B3GALT1: variants seen among roughly 807,000 people sequenced by gnomAD.
B3GALT1 encodes the protein UDP-Gal:betaGlcNAc beta 1,3-galactosyltransferase, polypeptide 1.
A neutral mutation model predicts 23.2 loss-of-function variants in B3GALT1; 10 were observed. The ratio of observed to expected loss-of-function variants is 0.43; its 90% CI spans 0.27 to 0.73. B3GALT1 has a LOEUF of 0.73. Among genes scored for constraint, B3GALT1 ranks in the 30% least tolerant of loss-of-function variants. The pLI, the probability that B3GALT1 is intolerant of heterozygous loss-of-function variation, is 0.21. For missense variants in B3GALT1, 299 were observed against 405.4 expected (o/e 0.74, Z 2.25); for synonymous variants, 156 against 141.5 (o/e 1.10, Z -0.73).
chr2:167,808,048 A>G (rs571759166), intron 3 of B3GALT1, among the ~76,000 whole-genome samples: 2 of 152,012 alleles, frequency 1.3e-5, no homozygotes, highest in Admixed American at 6.6e-5. Context: ...TCCTTTTACC[A>G]TTATGTAATG....
At chr2:167,561,372 A>C (rs913286560) in intron 2 of B3GALT1, among the ~76,000 whole-genome samples, 3 of 152,184 alleles carry the variant, frequency 2.0e-5, no homozygotes, top group African/African-American at 7.2e-5. Context: ...CAAAATTGAC[A>C]CCCTAACATC....
intron 4 of B3GALT1, among the ~76,000 whole-genome samples, chr2:167,840,254 G>A (rs1358182185): frequency 1.3e-5 from 2 of 151,996 alleles, no homozygotes; most frequent in East Asian, 1.9e-4. Flanking sequence ...CCCACAAAAT[G>A]GGAGAAAATT....
At chr2:167,424,949 C>T (rs1230948205) in intron 1 of B3GALT1, among the ~76,000 whole-genome samples, 1 of 152,188 alleles carries the variant, frequency 6.6e-6, no homozygotes, top group Non-Finnish European at 1.5e-5. Context: ...GTATTTTAAC[C>T]AAATGCGCAC....
intron 1 of B3GALT1, among the ~76,000 whole-genome samples, chr2:167,378,372 G>T (rs962944453): frequency 6.6e-6 from 1 of 151,978 alleles, no homozygotes; most frequent in Admixed American, 6.6e-5. Context: ...TCAACCTCTA[G>T]CAAAATTAGG....
At chr2:167,827,998 GCT>G (rs1473871066) in intron 4 of B3GALT1, among the ~76,000 whole-genome samples, 1 of 152,146 alleles carries the variant, frequency 6.6e-6, no homozygotes, top group Admixed American at 6.5e-5. Context: ...GTTGCTCTAA[GCT>G]CTCTAAGAAC....
intron 2 of B3GALT1, among the ~76,000 whole-genome samples, chr2:167,518,134 C>T (rs1329703981): frequency 1.3e-5 from 2 of 152,094 alleles, no homozygotes; most frequent in African/African-American, 4.8e-5. Flanking sequence ...CATAAGAATT[C>T]CATCGAGGAT....
At chr2:167,808,508 G>A (rs1201409193) in intron 3 of B3GALT1, among the ~76,000 whole-genome samples, 11 of 151,776 alleles carry the variant, frequency 7.2e-5, no homozygotes, top group African/African-American at 2.4e-4. Flanking sequence ...GCATTTGCTT[G>A]TCTGTAAAGT....
intron 3 of B3GALT1, among the ~76,000 whole-genome samples, 132 bp downstream of exon 3, chr2:167,647,098 C>T (rs554988130): frequency 1.5e-3 from 234 of 152,188 alleles, no homozygotes; most frequent in African/African-American, 5.1e-3. Context: ...CAAGAAAAGC[C>T]AGCTTAAAAA....
At chr2:167,834,960 T>A (rs959618358) in intron 4 of B3GALT1, among the ~76,000 whole-genome samples, 1 of 152,168 alleles carries the variant, frequency 6.6e-6, no homozygotes, top group Non-Finnish European at 1.5e-5. Context: ...CTGTCTTACA[T>A]CTTGTCATTA....
intron 2 of B3GALT1, among the ~76,000 whole-genome samples, chr2:167,573,656 T>C (rs978283395): frequency 6.6e-6 from 1 of 151,786 alleles, no homozygotes; most frequent in African/African-American, 2.4e-5. Flanking sequence ...AGAATTGTAA[T>C]TAGCATTTTC....
intron 2 of B3GALT1, among the ~76,000 whole-genome samples, chr2:167,579,884 C>T (rs1173352092): frequency 1.3e-5 from 2 of 152,084 alleles, no homozygotes; most frequent in Non-Finnish European, 2.9e-5. Flanking sequence ...GATGTAGAGA[C>T]TAGATTTTTA....
At chr2:167,794,454 C>T (rs745526351) in intron 3 of B3GALT1, among the ~76,000 whole-genome samples, 8 of 152,120 alleles carry the variant, frequency 5.3e-5, no homozygotes, top group Middle Eastern at 3.2e-3. Context: ...TGTTGTACTT[C>T]GTATAACAAT....
intron 3 of B3GALT1, among the ~76,000 whole-genome samples, chr2:167,724,261 GT>G (rs1055480540): frequency 6.6e-6 from 1 of 152,196 alleles, no homozygotes; most frequent in African/African-American, 2.4e-5. Flanking sequence ...CCAGTCCACA[GT>G]GGAGGGACTC....
chr2:167,774,485 G>GT (rs767692581), intron 3 of B3GALT1, among the ~76,000 whole-genome samples: 3,520 of 104,720 alleles, frequency 0.034, 43 homozygotes, highest in Non-Finnish European at 0.043. Context: ...TTTTTTTTTT[G>GT]TTTTTTTTTT....
At chr2:167,812,996 A>ACCCCC (rs59345832) in intron 3 of B3GALT1, among the ~76,000 whole-genome samples, 40 of 70,456 alleles carry the variant, frequency 5.7e-4, no homozygotes, top group African/African-American at 1.6e-3. Flanking sequence ...CACCACCCCC[A>ACCCCC]CCCCCCCCCA....
At chr2:167,333,127 A>G (rs1697000639) in intron 1 of B3GALT1, among the ~76,000 whole-genome samples, 1 of 152,230 alleles carries the variant, frequency 6.6e-6, no homozygotes, top group Non-Finnish European at 1.5e-5. Flanking sequence ...TGGTAGTAAA[A>G]GGAAGCTTTT....
At chr2:167,401,147 A>G (rs896529134) in intron 1 of B3GALT1, among the ~76,000 whole-genome samples, 27 of 152,126 alleles carry the variant, frequency 1.8e-4, no homozygotes, top group Admixed American at 7.9e-4. Flanking sequence ...TGACAAACCA[A>G]TAGTCACTTT....
At chr2:167,466,082 A>G (rs560221863) in intron 1 of B3GALT1, among the ~76,000 whole-genome samples, 4 of 152,220 alleles carry the variant, frequency 2.6e-5, no homozygotes, top group African/African-American at 4.8e-5. Flanking sequence ...TCACTCTCCT[A>G]TAAATGCAAC....
At chr2:167,634,775 A>G (rs963713706) in intron 2 of B3GALT1, among the ~76,000 whole-genome samples, 4 of 152,160 alleles carry the variant, frequency 2.6e-5, no homozygotes, top group African/African-American at 9.6e-5. Flanking sequence ...CCAAAGGTAC[A>G]AAGAGGAGCT....
Sources: allele counts gnomAD v4.1 joint callset (sites outside exome capture counted in the v4.1 genomes callset), GRCh38; gene constraint gnomAD v4.1.1; transcripts MANE v1.5; gene names NCBI Gene and HGNC (gene_info 2026-07-23, HGNC 2026-07-21).